SLIT3: variants seen among roughly 807,000 people sequenced by gnomAD.
The protein encoded by SLIT3 is slit guidance ligand 3, also known as slit homolog 3 protein.
SLIT3 carries 68 observed loss-of-function variants against 184.0 expected under a neutral mutation model. That is an observed-to-expected ratio of 0.37 (90% CI 0.30 to 0.45). SLIT3 has a LOEUF of 0.45. SLIT3 is among the 20% of genes least tolerant of loss of function. The pLI is 1.00. For missense variants in SLIT3, 1,707 were observed against 2,026.0 expected, an observed-to-expected ratio of 0.84 and a Z score of 3.02; for synonymous variants, 831 against 828.6, an observed-to-expected ratio of 1.00 and a Z score of -0.05.
chr5:168,731,694 G>A (rs540142033), intron 20 of SLIT3, among the ~76,000 whole-genome samples: 10 of 152,012 alleles, frequency 6.6e-5, no homozygotes, highest in African/African-American at 2.4e-4. Flanking sequence ...CAGAAATAAG[G>A]ACAAAAACCA....
chr5:168,753,657 T>C (rs1472911040), intron 17 of SLIT3, among the ~76,000 whole-genome samples: 1 of 152,202 alleles, frequency 6.6e-6, no homozygotes. Flanking sequence ...TGTGTGTGTG[T>C]GAGTGTGCAT....
chr5:168,679,696 C>G (rs562977503), intron 32 of SLIT3, among the ~76,000 whole-genome samples: 1 of 152,202 alleles, frequency 6.6e-6, no homozygotes, highest in East Asian at 1.9e-4. Context: ...AGGCAGCAAG[C>G]GGAGACCTCA....
chr5:168,768,055 T>C, intron 14 of SLIT3: 1 of 376,378 alleles, frequency 2.7e-6, no homozygotes, highest in South Asian at 1.9e-5. Context: ...GAGTTGAGAC[T>C]GGGAGAGGTG....
chr5:169,000,234 A>G (rs1263434112), intron 4 of SLIT3, among the ~76,000 whole-genome samples: 1 of 151,958 alleles, frequency 6.6e-6, no homozygotes, highest in East Asian at 1.9e-4. Flanking sequence ...TCTACTAAAA[A>G]TACAAAAATT....
intron 3 of SLIT3, among the ~76,000 whole-genome samples, chr5:169,228,984 C>T (rs1159191862): frequency 3.3e-5 from 5 of 152,162 alleles, no homozygotes; most frequent in Admixed American, 3.3e-4. Flanking sequence ...ATGTAATATA[C>T]AGAAGCAGTT....
In SLIT3 at chr5:168,671,275, G is replaced by T. The variant is rs536872426; in HGVS notation, c.4050C>A (p.Ser1350Arg). The change falls in exon 34 of 36, where the codon AGC becomes AGA. Residue 1350 changes from serine (S) to arginine (R), a missense_variant. Physicochemically the swap from Ser to Arg is moderately radical, Grantham distance 110 (BLOSUM62 -1). Transcript: ENST00000519560. ...AGCCTGGGCGGCACTCGCACACCACGCTGTCCTTCTCCACGGAGCGGCACA... is the reference window on the plus strand; with the variant it reads ...AGCCTGGGCGGCACTCGCACACCACTCTGTCCTTCTCCACGGAGCGGCACA... The part of the protein sequence containing the change: ...HGLCRSVEKD[S>R]VVCECRPGWT... 2 of 1,613,700 alleles carry T rather than the reference G, an allele frequency of 1.2e-6. No homozygotes were observed. The highest frequency in any genetic ancestry group is 8.5e-7 in the Non-Finnish European group (1 of 1,179,954).
In SLIT3 at chr5:168,937,880, A is replaced by AT. The variant is rs75979002; in HGVS notation, c.414-54545dup. On this transcript the variant is annotated intron_variant, in intron 4 of 35. Transcript: ENST00000519560. The stretch of plus-strand genomic sequence containing the variant: ...ACGATAGCAATTATAATCATTATGC[A>AT]TTTTTTTTTTTTCCCAAAGCAAACC... Among the ~76,000 whole-genome samples, 785 of 146,970 alleles carry AT rather than the reference A, an allele frequency of 5.3e-3. 6 individuals are homozygous for AT. The highest frequency in any genetic ancestry group is 0.013 in the Admixed American group (190 of 14,640).
intron 4 of SLIT3, among the ~76,000 whole-genome samples, chr5:169,183,366 C>T: frequency 6.6e-6 from 1 of 152,164 alleles, no homozygotes; most frequent in East Asian, 1.9e-4. Flanking sequence ...GCTTGTCTTG[C>T]CATCAGCTGT....
Position 168,900,224 on chromosome 5 carries a change from A to G in SLIT3, c.414-16888T>C, listed in dbSNP as rs546184737. Among the ~76,000 whole-genome samples, 319 of 152,342 alleles carry G rather than the reference A, an allele frequency of 2.1e-3. 1 individual carries two copies. The highest frequency in any genetic ancestry group is 7.1e-3 in the African/African-American group (295 of 41,574). On this transcript the variant is annotated intron_variant, in intron 4 of 35. Transcript: ENST00000519560. ...TAGTACAACCTCTATGGAAAACAGT[A>G]TGGTGATTTCTCAAAGAACTAAAAA...
At chr5:168,788,323 CAGGCAACAGCTGAATCT>C (rs779583449) in intron 11 of SLIT3, among the ~76,000 whole-genome samples, 16 of 152,318 alleles carry the variant, frequency 1.1e-4, no homozygotes, top group Non-Finnish European at 1.9e-4. Flanking sequence ...CTGCAAGCAG[CAGGCAACAGCTGAATCT>C]GAGACTTCCC....
At chr5:168,677,444 T>G (rs866560641) in intron 32 of SLIT3, among the ~76,000 whole-genome samples, 1 of 151,486 alleles carries the variant, frequency 6.6e-6, no homozygotes, top group African/African-American at 2.4e-5. Context: ...CCTACACTGT[T>G]TTTTGTTTTG....
chr5:168,891,824 A>G (rs1760474391), intron 4 of SLIT3, among the ~76,000 whole-genome samples: 1 of 152,222 alleles, frequency 6.6e-6, no homozygotes. Context: ...AGGTGTTCCA[A>G]AGATTGCAAA....
Position 168,877,985 on chromosome 5 carries a change from G to A in SLIT3, c.485+5280C>T, listed in dbSNP as rs77337380. On this transcript the variant is annotated intron_variant, in intron 5 of 35. Coordinates refer to ENST00000519560, the MANE Select transcript of SLIT3 (RefSeq NM_003062.4). ...TGGTTCTATCTCTACGTCTTTCCGT[G>A]ATTTCTTTTTCTTTCCCTCCTCTCT... is the stretch of plus-strand genomic sequence containing the variant. 9.8e-3 allele frequency among the ~76,000 whole-genome samples: 1,483 copies of A among 152,096 alleles called. 27 individuals are homozygous for A. The highest frequency in any genetic ancestry group is 0.035 in the African/African-American group (1,442 of 41,464).
At chr5:168,666,806 C>T (rs1247257893) in intron 35 of SLIT3, 117 bp from the exon 36 acceptor site, 2 of 1,513,740 alleles carry the variant, frequency 1.3e-6, no homozygotes, top group East Asian at 4.8e-5. Flanking sequence ...AGAATTTATT[C>T]ACTCATCCAT....
intron 4 of SLIT3, among the ~76,000 whole-genome samples, chr5:168,914,476 G>A (rs574539830): frequency 1.2e-4 from 18 of 152,286 alleles, no homozygotes; most frequent in African/African-American, 2.4e-4. Context: ...TGCTAAATGG[G>A]CACTTTCCAC....
In SLIT3 at chr5:169,110,851, T is replaced by C. The variant is rs145998927; in HGVS notation, c.413+82628A>G. Among the ~76,000 whole-genome samples, 12 of 152,284 alleles carry C rather than the reference T, an allele frequency of 7.9e-5. No homozygotes were observed. In the East Asian group the frequency reaches 2.3e-3, roughly 29 times the overall value. ...CCAACTGTCCACTTCCCAGAATAATTATTTCATAGTTCAGATGGGATTGTG... is the reference window on the plus strand; with the variant it reads ...CCAACTGTCCACTTCCCAGAATAATCATTTCATAGTTCAGATGGGATTGTG... On this transcript the variant is annotated intron_variant, in intron 4 of 35. Transcript: ENST00000519560.
chr5:168,859,964 C>T (rs1459529887), intron 5 of SLIT3, among the ~76,000 whole-genome samples: 1 of 151,798 alleles, frequency 6.6e-6, no homozygotes, highest in African/African-American at 2.4e-5. Context: ...TATCTATGAT[C>T]CTACCTTCCT....
chr5:168,748,297 C>A lies in SLIT3; in HGVS notation c.2270+5G>T. On this transcript the variant is annotated splice_donor_5th_base_variant and intron_variant, in intron 20 of 35. Coordinates refer to ENST00000519560, the MANE Select transcript of SLIT3 (RefSeq NM_003062.4). ...GGGTGCTTGGAGGCAGCTGGGGGTACTTACAGCTCGGTCACATCCTTGGGC... is the reference window on the plus strand; with the variant it reads ...GGGTGCTTGGAGGCAGCTGGGGGTAATTACAGCTCGGTCACATCCTTGGGC... 6.8e-7 allele frequency: 1 copy of A among 1,462,782 alleles called. No individual in the cohort carries two copies. The allele number at this position is 1,462,782 out of a possible 1,614,324, so 90.6% of individuals were successfully genotyped here.
At chr5:168,939,279 C>T (rs536007108) in intron 4 of SLIT3, among the ~76,000 whole-genome samples, 43 of 152,290 alleles carry the variant, frequency 2.8e-4, no homozygotes, top group African/African-American at 9.1e-4. Flanking sequence ...AGGAAGCCAG[C>T]GTCATCAGGC....
Sources: gnomAD v4.1 joint callset for allele counts (sites outside exome capture counted in the v4.1 genomes callset) on GRCh38, gnomAD v4.1.1 for gene constraint, MANE v1.5 for transcripts, NCBI Gene and HGNC (gene_info 2026-07-23, HGNC 2026-07-21) for gene names.